Variants in SIPA1L1 observed in about 807,000 individuals in gnomAD.
The protein encoded by SIPA1L1 is signal-induced proliferation-associated 1-like protein 1.
SIPA1L1 carries 26 observed loss-of-function variants against 162.7 expected under a neutral mutation model. The ratio of observed to expected loss-of-function variants is 0.16; its 90% CI spans 0.12 to 0.22. The LOEUF (loss-of-function observed/expected upper bound fraction) is 0.22. Among genes scored for constraint, SIPA1L1 ranks in the 10% least tolerant of loss-of-function variants. The probability of loss-of-function intolerance (pLI) is 1.00; values close to 1 mark genes in which losing one functional copy is unlikely to be tolerated. For synonymous variants in SIPA1L1, 829 were observed against 837.4 expected, an observed-to-expected ratio of 0.99 and a Z score of 0.17; for missense variants, 1,874 against 2,241.0, an observed-to-expected ratio of 0.84 and a Z score of 3.31.
intron 4 of SIPA1L1, among the ~76,000 whole-genome samples, chr14:71,583,283 G>C (rs1429273607): frequency 6.6e-6 from 1 of 152,152 alleles, no homozygotes; most frequent in Non-Finnish European, 1.5e-5. Flanking sequence ...AAGGCACTGT[G>C]CTGGGCCTGG....
intron 2 of SIPA1L1, among the ~76,000 whole-genome samples, chr14:71,402,633 G>GTCAC (rs2041756757): frequency 6.6e-6 from 1 of 152,154 alleles, no homozygotes; most frequent in South Asian, 2.1e-4. Flanking sequence ...ACAGGCATGA[G>GTCAC]TCACTGTTCC....
chr14:71,422,842 C>G (rs1355220806), intron 2 of SIPA1L1, among the ~76,000 whole-genome samples: 3 of 152,148 alleles, frequency 2.0e-5, no homozygotes, highest in Admixed American at 2.0e-4. Context: ...GGTAAATACC[C>G]AGAAGTAGAA....
chr14:71,322,647 AATG>A (rs1449469706), intron 2 of SIPA1L1, among the ~76,000 whole-genome samples: 40 of 152,370 alleles, frequency 2.6e-4, no homozygotes, highest in African/African-American at 8.4e-4. Context: ...GTGCATTTAA[AATG>A]ATGAGTGATT....
At chr14:71,652,123 G>T (rs568986161) in intron 8 of SIPA1L1, among the ~76,000 whole-genome samples, 13 of 152,238 alleles carry the variant, frequency 8.5e-5, no homozygotes, top group African/African-American at 3.1e-4. Context: ...GAAAAGTAGG[G>T]AAGTATTCCT....
Position 71,460,966 on chromosome 14 carries a change from A to G in SIPA1L1, c.-464-51777A>G, listed in dbSNP as rs2046557943. Among the ~76,000 whole-genome samples, 2 of 152,230 alleles carry G rather than the reference A, an allele frequency of 1.3e-5. 1 individual carries two copies. Among genetic ancestry groups the G allele is most frequent in the South Asian group, 4.1e-4 (2 of 4,836 alleles). ...ATTGGGAACATGGTAAGACCAGTGA[A>G]TTCCATGAGCATGAGCCCACTGTCG... On this transcript the variant is annotated intron_variant, in intron 2 of 23. Transcript: ENST00000381232.
At chr14:71,693,258 G>T (rs1359885469) in intron 13 of SIPA1L1, among the ~76,000 whole-genome samples, 1 of 152,200 alleles carries the variant, frequency 6.6e-6, no homozygotes, top group Non-Finnish European at 1.5e-5. Context: ...GGTAATCCCT[G>T]CCCTTGGGGA....
intron 4 of SIPA1L1, among the ~76,000 whole-genome samples, chr14:71,562,748 G>C (rs186953484): frequency 4.6e-5 from 7 of 152,176 alleles, no homozygotes; most frequent in Admixed American, 4.6e-4. Flanking sequence ...TCCACTCCCG[G>C]GTTCAAGCAA....
intron 3 of SIPA1L1, among the ~76,000 whole-genome samples, chr14:71,521,866 T>C (rs1044057683): frequency 3.3e-5 from 5 of 152,208 alleles, no homozygotes; most frequent in Non-Finnish European, 7.3e-5. Context: ...AGTACCACAT[T>C]GTGATTTATT....
chr14:71,344,797 C>T (rs1376935360), intron 2 of SIPA1L1, among the ~76,000 whole-genome samples: 1 of 152,148 alleles, frequency 6.6e-6, no homozygotes, highest in Non-Finnish European at 1.5e-5. Context: ...AACTGCTGAG[C>T]TCAAGTGATC....
intron 3 of SIPA1L1, among the ~76,000 whole-genome samples, chr14:71,523,516 G>A (rs2144995372): frequency 6.6e-6 from 1 of 152,164 alleles, no homozygotes; most frequent in African/African-American, 2.4e-5. Flanking sequence ...ATAGAATACT[G>A]CTAACTGATC....
intron 7 of SIPA1L1, among the ~76,000 whole-genome samples, chr14:71,639,748 T>C (rs1365750768): frequency 1.3e-5 from 2 of 152,170 alleles, no homozygotes; most frequent in Non-Finnish European, 2.9e-5. Context: ...TGGAACAGAA[T>C]AGAGAAACCA....
chr14:71,615,566 G>A (rs1197925260), intron 5 of SIPA1L1, among the ~76,000 whole-genome samples: 2 of 152,322 alleles, frequency 1.3e-5, no homozygotes, highest in Middle Eastern at 3.4e-3. Context: ...GTATGGCAGT[G>A]GGCCTGGCAT....
At chr14:71,590,686 A>G (rs2147680580) in intron 5 of SIPA1L1, among the ~76,000 whole-genome samples, 1 of 152,266 alleles carries the variant, frequency 6.6e-6, no homozygotes, top group Non-Finnish European at 1.5e-5. Flanking sequence ...TCATTTTTAA[A>G]CATTTATCTT....
At position 71,377,803 on chromosome 14, in the gene SIPA1L1, C is replaced by G. The variant is rs1171377837; in HGVS notation, c.-465+56622C>G. Reference sequence around the variant, plus strand: ...CAGTCCGGCCAACACGGCGAAACCCCGTCTCCACCAAAAAATACAAAAACC... The same window carrying G: ...CAGTCCGGCCAACACGGCGAAACCCGGTCTCCACCAAAAAATACAAAAACC... On this transcript the variant is annotated intron_variant, in intron 2 of 23. Coordinates refer to ENST00000381232, the MANE Select transcript of SIPA1L1 (RefSeq NM_001386936.1). The surrounding 1 kb of genome is among the most constrained non-coding windows in gnomAD (Gnocchi z 4.8). Among the ~76,000 whole-genome samples the G allele has an allele frequency of 1.3e-5, 2 of 152,198 alleles. No homozygotes were observed. The highest frequency in any genetic ancestry group is 2.9e-5 in the Non-Finnish European group (2 of 68,020).
chr14:71,640,560 G>C (rs2041606466), intron 7 of SIPA1L1, among the ~76,000 whole-genome samples: 1 of 152,144 alleles, frequency 6.6e-6, no homozygotes, highest in African/African-American at 2.4e-5. Flanking sequence ...GGCTTTGGAG[G>C]TTACAAATTG....
chr14:71,685,470 C>G lies in SIPA1L1; in HGVS notation c.3213C>G (p.Asn1071Lys), dbSNP rs377565054. Reference protein sequence around the residue: ...PFRNNNKWQRNASKGPHSPQV... With the variant: ...PFRNNNKWQRKASKGPHSPQV... ...GAAATAATAACAAGTGGCAGAGGAA[C>G]GCCAGCAAGGGGCCTCATTCACCTC... The change falls in exon 13 of 24, where the codon AAC becomes AAG. Residue 1071 changes from asparagine (N) to lysine (K), a missense_variant. Coordinates refer to ENST00000381232, the MANE Select transcript of SIPA1L1 (RefSeq NM_001386936.1). 1 of 1,614,174 alleles carries G rather than the reference C, an allele frequency of 6.2e-7. No homozygotes were observed.
chr14:71,434,735 T>G (rs532821820), intron 2 of SIPA1L1, among the ~76,000 whole-genome samples: 5 of 152,258 alleles, frequency 3.3e-5, no homozygotes, highest in African/African-American at 1.2e-4. Context: ...TGCACCACCA[T>G]GCCCAACTAA....
At chr14:71,629,128 G>A (rs146091337) in intron 7 of SIPA1L1, among the ~76,000 whole-genome samples, 49 of 152,132 alleles carry the variant, frequency 3.2e-4, no homozygotes, top group African/African-American at 1.1e-3. Flanking sequence ...TAGTAGAGAC[G>A]GGGTTCCACC....
intron 2 of SIPA1L1, among the ~76,000 whole-genome samples, chr14:71,342,675 T>C (rs1321145925): frequency 6.6e-6 from 1 of 152,232 alleles, no homozygotes; most frequent in Non-Finnish European, 1.5e-5. Flanking sequence ...TGAACTTTTC[T>C]ATTGAGTTTT....
Sources: allele counts gnomAD v4.1 joint callset (sites outside exome capture counted in the v4.1 genomes callset), GRCh38; gene constraint gnomAD v4.1.1; non-coding constraint Gnocchi (gnomAD v3.1); transcripts MANE v1.5; gene names NCBI Gene and HGNC (gene_info 2026-07-23, HGNC 2026-07-21).